The following ABLIM2 variants were observed in gnomAD, a reference collection of about 807,000 sequenced individuals.
ABLIM2 encodes actin binding LIM protein family member 2, also known as actin-binding LIM protein 2.
A neutral mutation model predicts 97.7 loss-of-function variants in ABLIM2; 53 were observed. That is an observed-to-expected ratio of 0.54 (90% CI 0.44 to 0.68). The LOEUF is 0.68. ABLIM2 is among the 30% of genes least tolerant of loss of function. The probability of loss-of-function intolerance (pLI) is 0.00; values close to 1 mark genes in which losing one functional copy is unlikely to be tolerated. For synonymous variants in ABLIM2, 361 were observed against 345.8 expected (o/e 1.04, Z -0.49); for missense variants, 835 against 867.2 (o/e 0.96, Z 0.47).
At chr4:7,968,500 A>G (rs946399574) in intron 20 of ABLIM2, among the ~76,000 whole-genome samples, 2 of 152,262 alleles carry the variant, frequency 1.3e-5, no homozygotes, top group Non-Finnish European at 2.9e-5. Context: ...CTTCAGCCTT[A>G]AAAGGTCGTG....
rs1483414043 is a variant in ABLIM2, at chr4:7,980,941, A to ATCTT, written c.1824+2322_1824+2323insAAGA. Among the ~76,000 whole-genome samples the ATCTT allele has an allele frequency of 7.2e-5, 6 of 82,990 alleles. 1 individual carries two copies. The highest frequency in any genetic ancestry group is 1.1e-4 in the African/African-American group (2 of 18,102). The allele number at this position is 82,990 out of a possible 152,430, so 54.4% of individuals were successfully genotyped here. A position where few individuals can be genotyped will look rare whatever the true frequency, so the allele number is the denominator to read the frequency against. ...AGAACCATGGTCTCCACAACCCCTT[A>ATCTT]TTTTTTTTTTTTTTTTTTTTGAGAT... On this transcript the variant is annotated intron_variant, in intron 20 of 20. Transcript: ENST00000447017.
At chr4:8,109,150 C>A (rs114760869) in intron 1 of ABLIM2, among the ~76,000 whole-genome samples, 1 of 152,216 alleles carries the variant, frequency 6.6e-6, no homozygotes, top group South Asian at 2.1e-4. Context: ...TGCTCCAAGG[C>A]GGAACTCCCA....
Position 8,027,865 on chromosome 4 carries a change from G to T in ABLIM2, c.1169-8C>A. The T allele has an allele frequency of 6.4e-7, 1 of 1,570,586 alleles. No homozygotes were observed. Among genetic ancestry groups the T allele is most frequent in the African/African-American group, 1.4e-5 (1 of 72,988 alleles). ...CCACACTCACAGTACCAGCTACGGG[G>T]TAACAGAGAGCAAGTCAGAGTCAAC... On this transcript the variant is annotated splice_region_variant and splice_polypyrimidine_tract_variant and intron_variant, in intron 11 of 20. Coordinates refer to ENST00000447017, the MANE Select transcript of ABLIM2 (RefSeq NM_001130083.2).
In ABLIM2 at chr4:7,966,519, C is replaced by T. The variant is rs956646952; in HGVS notation, c.*471G>A. ...TCCCAGACGCTCACTGCCCCGTCTG[C>T]GAGTCTGCCTGTGAGGCCAGGCTGC... On this transcript the variant is annotated 3_prime_UTR_variant, in exon 21 of 21. Coordinates refer to ENST00000447017, the MANE Select transcript of ABLIM2 (RefSeq NM_001130083.2). The T allele has an allele frequency of 4.3e-5, 7 of 162,540 alleles. No individual in the cohort carries two copies. The East Asian group carries it at 1.1e-3, about 25-fold the overall frequency. The allele number at this position is 162,540 out of a possible 1,614,324, so 10.1% of individuals were successfully genotyped here.
In ABLIM2 at chr4:8,001,128, G is replaced by A. The variant is rs942725623; in HGVS notation, c.1618+6931C>T. Among the ~76,000 whole-genome samples, 1 of 152,302 alleles carries A rather than the reference G, an allele frequency of 6.6e-6. No individual in the cohort carries two copies. Among genetic ancestry groups the A allele is most frequent in the Middle Eastern group, 3.4e-3 (1 of 294 alleles). On this transcript the variant is annotated intron_variant, in intron 16 of 20. Transcript: ENST00000447017. This position sits in a 1 kb window ranked among gnomAD's most constrained non-coding sequence, Gnocchi z 4.2. ...CTTGGTGTGTCCATCTGAGGAAGAC[G>A]GGCACCCCTCATCCCTGAGCAGCGG...
At chr4:8,088,970 G>C (rs73216491) in intron 3 of ABLIM2, among the ~76,000 whole-genome samples, 1 of 152,200 alleles carries the variant, frequency 6.6e-6, no homozygotes, top group African/African-American at 2.4e-5. Context: ...ACACCTCGTA[G>C]ACAGGAAGAT....
chr4:8,106,087 C>T (rs961592072), intron 2 of ABLIM2, among the ~76,000 whole-genome samples: 17 of 152,168 alleles, frequency 1.1e-4, no homozygotes, highest in Non-Finnish European at 1.9e-4. Flanking sequence ...GGGTGGGGGT[C>T]CCCGCGTGCC....
intron 1 of ABLIM2, among the ~76,000 whole-genome samples, chr4:8,108,495 C>T (rs753844731): frequency 1.2e-4 from 19 of 152,236 alleles, no homozygotes; most frequent in South Asian, 2.1e-4. Flanking sequence ...ATGGCAGACT[C>T]GCGGGGAGGC....
chr4:8,012,273 C>G (rs1278849299), intron 14 of ABLIM2, among the ~76,000 whole-genome samples: 2 of 151,722 alleles, frequency 1.3e-5, no homozygotes, highest in African/African-American at 4.8e-5. Context: ...ATCCACCCAC[C>G]ACCCATCCAT....
At position 8,083,748 on chromosome 4, in the gene ABLIM2, A is replaced by C. The variant is rs1311361253; in HGVS notation, c.455-2946T>G. ...GAGCTGTCAGCGGCAGGATGTCCCT[A>C]GCAGGGCAGAAGGGGCCCCAGGACC... On this transcript the variant is annotated intron_variant, in intron 4 of 20. Transcript: ENST00000447017. The surrounding 1 kb of genome is among the most constrained non-coding windows in gnomAD (Gnocchi z 4.6). Among the ~76,000 whole-genome samples the C allele has an allele frequency of 6.6e-6, 1 of 152,180 alleles. No homozygotes were observed. Among genetic ancestry groups the C allele is most frequent in the Non-Finnish European group, 1.5e-5 (1 of 68,028 alleles).
At chr4:8,029,373 C>G (rs1478789454) in intron 11 of ABLIM2, among the ~76,000 whole-genome samples, 1 of 152,168 alleles carries the variant, frequency 6.6e-6, no homozygotes, top group African/African-American at 2.4e-5. Context: ...AAGCGCTCAG[C>G]GTGTGCCCCC....
chr4:8,150,570 A>G lies in ABLIM2; in HGVS notation c.10+8110T>C, dbSNP rs1436806374. 6.6e-6 allele frequency among the ~76,000 whole-genome samples: 1 copy of G among 152,234 alleles called. No homozygotes were observed. The highest frequency in any genetic ancestry group is 1.5e-5 in the Non-Finnish European group (1 of 68,042). On this transcript the variant is annotated intron_variant, in intron 1 of 20. Transcript: ENST00000447017. The surrounding 1 kb of genome is among the most constrained non-coding windows in gnomAD (Gnocchi z 6.3). ...TCGTCTCTCTAAGCACAGAGAAACC[A>G]AAGTCCCAAACTTCCAGCACAGGGT...
intron 1 of ABLIM2, among the ~76,000 whole-genome samples, chr4:8,131,848 A>AGCACAGCAGCCCACATCCCCT (rs1849469671): frequency 8.3e-6 from 1 of 120,264 alleles, no homozygotes; most frequent in African/African-American, 4.1e-5. Context: ...CGCATCCCTG[A>AGCACAGCAGCCCACATCCCCT]GCACAGCAGC....
Position 8,124,209 on chromosome 4 carries a change from C to T in ABLIM2, c.11-17572G>A, listed in dbSNP as rs1455168603. 1.3e-5 allele frequency among the ~76,000 whole-genome samples: 2 copies of T among 152,224 alleles called. No individual in the cohort carries two copies. Among genetic ancestry groups the T allele is most frequent in the African/African-American group, 2.4e-5 (1 of 41,468 alleles). On this transcript the variant is annotated intron_variant, in intron 1 of 20. Coordinates refer to ENST00000447017, the MANE Select transcript of ABLIM2 (RefSeq NM_001130083.2). This position sits in a 1 kb window ranked among gnomAD's most constrained non-coding sequence, Gnocchi z 6.1. ...CAATATTCTCAGCACCTCCACAGAGCCTAGCCAGCTCTGCAGAAGTGCTCG... is the reference window on the plus strand; with the variant it reads ...CAATATTCTCAGCACCTCCACAGAGTCTAGCCAGCTCTGCAGAAGTGCTCG...
rs1190297059 is a variant in ABLIM2 at position 8,072,691 on chromosome 4, G to A, written c.675+4937C>T. 6.6e-6 allele frequency among the ~76,000 whole-genome samples: 1 copy of A among 152,254 alleles called. No homozygotes were observed. The highest frequency in any genetic ancestry group is 2.4e-5 in the African/African-American group (1 of 41,484). On this transcript the variant is annotated intron_variant, in intron 6 of 20. Coordinates refer to ENST00000447017, the MANE Select transcript of ABLIM2 (RefSeq NM_001130083.2). The surrounding 1 kb of genome is among the most constrained non-coding windows in gnomAD (Gnocchi z 5.8). The stretch of plus-strand genomic sequence containing the variant: ...CCGACTCTCAGTGGCTGATGGCCGG[G>A]CACGTGGGTGGATCCAGCTGGACGC...
In ABLIM2 at chr4:8,061,122, G is replaced by A. The variant is rs1336143651; in HGVS notation, c.676-68C>T. On this transcript the variant is annotated intron_variant, in intron 6 of 20. Coordinates refer to ENST00000447017, the MANE Select transcript of ABLIM2 (RefSeq NM_001130083.2). This position sits in a 1 kb window ranked among gnomAD's most constrained non-coding sequence, Gnocchi z 4.5. ...AAAGGTCGGCTGGGTCCCAGCGCCC[G>A]GCATGGATACAGCATGCCCTGAGCA... The A allele has an allele frequency of 4.0e-5, 54 of 1,366,362 alleles. No individual in the cohort carries two copies. In the Admixed American group the frequency reaches 4.8e-4, roughly 12 times the overall value. The allele number at this position is 1,366,362 out of a possible 1,614,324, so 84.6% of individuals were successfully genotyped here. A position where few individuals can be genotyped will look rare whatever the true frequency, so the allele number is the denominator to read the frequency against.
chr4:8,139,179 A>G (rs1032305105), intron 1 of ABLIM2, among the ~76,000 whole-genome samples: 27 of 150,516 alleles, frequency 1.8e-4, no homozygotes, highest in Non-Finnish European at 3.7e-4. Flanking sequence ...CCTGGGCAAC[A>G]ACAGTGAAAC....
At position 8,008,963 on chromosome 4, in the gene ABLIM2, T is replaced by C. The variant is rs1763131464; in HGVS notation, c.1476+87A>G. On this transcript the variant is annotated intron_variant, in intron 15 of 20. Coordinates refer to ENST00000447017, the MANE Select transcript of ABLIM2 (RefSeq NM_001130083.2). ...TAAGGAACAGAATGTAAGAGGAAGA[T>C]TCGAAGTCTCAATCGGAGAAGCCCT... is the stretch of plus-strand genomic sequence containing the variant. 5 of 1,483,782 alleles carry C rather than the reference T, an allele frequency of 3.4e-6. No homozygotes were observed. In the South Asian group the frequency reaches 3.4e-5, roughly 10 times the overall value. 91.9% of individuals were successfully genotyped at this position (1,483,782 alleles called of 1,614,324 possible). A position where few individuals can be genotyped will look rare whatever the true frequency, so the allele number is the denominator to read the frequency against.
In ABLIM2 at chr4:8,123,225, C is replaced by T. The variant is rs765861887; in HGVS notation, c.11-16588G>A. Among the ~76,000 whole-genome samples the T allele has an allele frequency of 6.6e-6, 1 of 152,218 alleles. No individual in the cohort carries two copies. The highest frequency in any genetic ancestry group is 1.5e-5 in the Non-Finnish European group (1 of 68,044). ...CTTACTTGGGGTCTCTAATCCCTGC[C>T]TGGCCCTCCCCTGTGCAGGCATGGT... On this transcript the variant is annotated intron_variant, in intron 1 of 20. Transcript: ENST00000447017. This position sits in a 1 kb window ranked among gnomAD's most constrained non-coding sequence, Gnocchi z 6.2.
Sources: allele counts gnomAD v4.1 joint callset (sites outside exome capture counted in the v4.1 genomes callset), GRCh38; gene constraint gnomAD v4.1.1; non-coding constraint Gnocchi (gnomAD v3.1); transcripts MANE v1.5; gene names NCBI Gene and HGNC (gene_info 2026-07-23, HGNC 2026-07-21).